BIN1: variants seen among roughly 807,000 people sequenced by gnomAD.
BIN1 encodes bridging integrator 1.
Under a neutral mutation model 82.0 loss-of-function variants are expected in BIN1, and 53 were observed. The ratio of observed to expected loss-of-function variants is 0.65; its 90% confidence interval spans 0.52 to 0.81. The LOEUF is 0.81. Among genes scored for constraint, BIN1 ranks in the 40% least tolerant of loss-of-function variants. The pLI, the probability that BIN1 is intolerant of heterozygous loss-of-function variation, is 0.00. For missense variants in BIN1, 642 were observed against 784.4 expected, an observed-to-expected ratio of 0.82 and a Z score of 2.17; for synonymous variants, 302 against 328.0, an observed-to-expected ratio of 0.92 and a Z score of 0.86.
At chr2:127,065,871 C>T (rs1308884077) in intron 7 of BIN1, among the ~76,000 whole-genome samples, 1 of 152,168 alleles carries the variant, frequency 6.6e-6, no homozygotes, top group African/African-American at 2.4e-5. Flanking sequence ...CATATTCTGG[C>T]TCTTTAGGAA....
In BIN1 at chr2:127,085,837, A is replaced by G. The variant is rs564629169; in HGVS notation, c.85-9131T>C. Among the ~76,000 whole-genome samples the G allele has an allele frequency of 2.8e-4, 42 of 152,194 alleles. No individual in the cohort carries two copies. The South Asian group carries it at 8.3e-3, about 30-fold the overall frequency. The stretch of plus-strand genomic sequence containing the variant: ...GGCCCCCATGTCCCCTGGGCTGGAT[A>G]TGAGGTGGTGGCAGGAGGGGCTGGC... On this transcript the variant is annotated intron_variant, in intron 1 of 18. Coordinates refer to ENST00000316724, the MANE Select transcript of BIN1 (RefSeq NM_139343.3).
chr2:127,056,814 A>T (rs1683735352), intron 12 of BIN1, among the ~76,000 whole-genome samples: 1 of 152,202 alleles, frequency 6.6e-6, no homozygotes, highest in South Asian at 2.1e-4. Context: ...GACCTCCACC[A>T]TGAAGGACGT....
intron 14 of BIN1, 105 bp from the exon 15 acceptor site, chr2:127,052,467 G>A: frequency 9.0e-7 from 1 of 1,111,136 alleles, no homozygotes; most frequent in Non-Finnish European, 1.3e-6. Context: ...CAGCGGCTGG[G>A]GTTGGTGGGG....
intron 1 of BIN1, among the ~76,000 whole-genome samples, chr2:127,086,698 G>C (rs2105237801): frequency 6.6e-6 from 1 of 152,102 alleles, no homozygotes; most frequent in East Asian, 1.9e-4. Context: ...AGTAGAGATG[G>C]GGTTTCACCA....
At chr2:127,104,029 A>C (rs1401818603) in intron 1 of BIN1, among the ~76,000 whole-genome samples, 1 of 152,194 alleles carries the variant, frequency 6.6e-6, no homozygotes, top group Non-Finnish European at 1.5e-5. Context: ...AGGCCATGGG[A>C]CCTTCAAGAA....
chr2:127,085,293 C>G (rs1438362661), intron 1 of BIN1, among the ~76,000 whole-genome samples: 1 of 152,192 alleles, frequency 6.6e-6, no homozygotes, highest in East Asian at 1.9e-4. Flanking sequence ...CAGCACACTT[C>G]TTAGCGGCTA....
Position 127,059,664 on chromosome 2 carries a change from A to C in BIN1, c.858-509T>G, listed in dbSNP as rs1170779234. Among the ~76,000 whole-genome samples, 1 of 152,126 alleles carries C rather than the reference A, an allele frequency of 6.6e-6. No homozygotes were observed. The highest frequency in any genetic ancestry group is 1.5e-5 in the Non-Finnish European group (1 of 68,000). ...TCACAGCACCCTGGTACATGTCTCT[A>C]GACCTTGGCTCTCCTGTCCTCTCGG... On this transcript the variant is annotated intron_variant, in intron 10 of 18. Transcript: ENST00000316724. This position sits in a 1 kb window ranked among gnomAD's most constrained non-coding sequence, Gnocchi z 6.7.
chr2:127,090,520 G>A lies in BIN1; in HGVS notation c.85-13814C>T, dbSNP rs542497565. Among the ~76,000 whole-genome samples the A allele has an allele frequency of 3.3e-5, 5 of 152,318 alleles. No individual in the cohort carries two copies. The East Asian group carries it at 5.8e-4, about 18-fold the overall frequency. ...CCATCTGTCCCTCCACACAAGTGCG[G>A]GTGCTATTCTCAGCCCAGCTCCAGG... is the stretch of plus-strand genomic sequence containing the variant. On this transcript the variant is annotated intron_variant, in intron 1 of 18. Coordinates refer to ENST00000316724, the MANE Select transcript of BIN1 (RefSeq NM_139343.3). This position sits in a 1 kb window ranked among gnomAD's most constrained non-coding sequence, Gnocchi z 6.4.
Position 127,105,409 on chromosome 2 carries a change from C to G in BIN1, c.84+1451G>C, listed in dbSNP as rs981439553. Among the ~76,000 whole-genome samples, 91 of 151,926 alleles carry G rather than the reference C, an allele frequency of 6.0e-4. 1 individual carries two copies. Among genetic ancestry groups the G allele is most frequent in the African/African-American group, 2.0e-3 (84 of 41,384 alleles). On this transcript the variant is annotated intron_variant, in intron 1 of 18. Transcript: ENST00000316724. ...GTGGCTGCATCTGTGCTGCCACCCC[C>G]CCACCCCACAACCTGAAGTCTTCCC... is the stretch of plus-strand genomic sequence containing the variant.
At chr2:127,049,305 G>A (rs1285805964) in intron 18 of BIN1, among the ~76,000 whole-genome samples, 1 of 152,200 alleles carries the variant, frequency 6.6e-6, no homozygotes, top group Non-Finnish European at 1.5e-5. Flanking sequence ...GCTCTGGGTA[G>A]CAGTCTGCTT....
intron 1 of BIN1, among the ~76,000 whole-genome samples, chr2:127,098,237 C>T (rs1055157887): frequency 6.6e-6 from 1 of 152,188 alleles, no homozygotes; most frequent in Non-Finnish European, 1.5e-5. Flanking sequence ...GCCCCAGGGG[C>T]TCTGAGGATG....
chr2:127,051,112 C>A, intron 16 of BIN1, 42 bp downstream of exon 16: 3 of 1,607,716 alleles, frequency 1.9e-6, no homozygotes, highest in Non-Finnish European at 2.6e-6. Context: ...GGCAGGCGGG[C>A]GGCAGGGAGG....
chr2:127,074,639 G>A (rs1686359467), intron 2 of BIN1, among the ~76,000 whole-genome samples: 1 of 152,188 alleles, frequency 6.6e-6, no homozygotes, highest in Non-Finnish European at 1.5e-5. Context: ...CTGGGGCCAG[G>A]CCACACAGAG....
chr2:127,080,388 A>G (rs1687142962), intron 1 of BIN1, among the ~76,000 whole-genome samples: 1 of 152,236 alleles, frequency 6.6e-6, no homozygotes, highest in East Asian at 1.9e-4. Flanking sequence ...AAAGCTGGGC[A>G]GGACAGTTGT....
At chr2:127,103,801 A>G (rs939387534) in intron 1 of BIN1, among the ~76,000 whole-genome samples, 1 of 152,168 alleles carries the variant, frequency 6.6e-6, no homozygotes, top group Non-Finnish European at 1.5e-5. Flanking sequence ...CACTCTTCTG[A>G]GGCCCAAAAA....
At chr2:127,054,950 C>T (rs1379006452) in intron 12 of BIN1, 1 of 152,294 alleles carries the variant, frequency 6.6e-6, no homozygotes, top group Non-Finnish European at 1.5e-5. Context: ...AAGCTGCCTT[C>T]TGAGGAGCAG....
intron 1 of BIN1, among the ~76,000 whole-genome samples, chr2:127,098,475 C>G (rs941396885): frequency 9.2e-5 from 14 of 152,114 alleles, no homozygotes; most frequent in African/African-American, 3.4e-4. Context: ...TCATGAATGC[C>G]CACTCCCAGG....
At chr2:127,063,799 C>T in intron 8 of BIN1, 134 bp downstream of exon 8, 1 of 1,422,376 alleles carries the variant, frequency 7.0e-7, no homozygotes, top group Non-Finnish European at 9.9e-7. Flanking sequence ...CACTGCAGCA[C>T]ACAGGCTGGG....
At chr2:127,058,261 C>T (rs916876279) in intron 11 of BIN1, among the ~76,000 whole-genome samples, 8 of 152,204 alleles carry the variant, frequency 5.3e-5, no homozygotes, top group African/African-American at 1.4e-4. Flanking sequence ...ACTCAGTGAA[C>T]GAATACACAG....
Sources: allele counts gnomAD v4.1 joint callset (sites outside exome capture counted in the v4.1 genomes callset), GRCh38; gene constraint gnomAD v4.1.1; non-coding constraint Gnocchi (gnomAD v3.1); transcripts MANE v1.5; gene names NCBI Gene and HGNC (gene_info 2026-07-23, HGNC 2026-07-21).